Variants in HIF1AN observed in about 807,000 individuals in gnomAD.
HIF1AN encodes the protein hypoxia-inducible factor 1-alpha inhibitor.
Under a neutral mutation model 47.7 loss-of-function variants are expected in HIF1AN, and 21 were observed. The ratio of observed to expected loss-of-function variants is 0.44; its 90% CI spans 0.31 to 0.63. The LOEUF (loss-of-function observed/expected upper bound fraction) is 0.63. Ranked by LOEUF, HIF1AN falls within the 30% of genes least tolerant of loss-of-function variation. HIF1AN has a pLI of 0.07. For missense variants in HIF1AN, 320 were observed against 432.7 expected (o/e 0.74, Z 2.31); for synonymous variants, 152 against 155.9 (o/e 0.98, Z 0.18).
At position 100,550,011 on chromosome 10, in the gene HIF1AN, A is replaced by T. The variant is rs1167915629; in HGVS notation, c.*1874A>T. ...AGTCAATGCTGGGAAATGTGATTGC[A>T]GTGATCTCTATCTCTCCACTTCTTT... On this transcript the variant is annotated 3_prime_UTR_variant, in exon 8 of 8. Transcript: ENST00000299163. 6.6e-6 allele frequency: 1 copy of T among 152,194 alleles called. No homozygotes were observed. The highest frequency in any genetic ancestry group is 2.4e-5 in the African/African-American group (1 of 41,436). The allele number at this position is 152,194 out of a possible 1,614,324, so 9.4% of individuals were successfully genotyped here.
intron 3 of HIF1AN, among the ~76,000 whole-genome samples, chr10:100,542,867 T>TC (rs1843055748): frequency 7.3e-6 from 1 of 136,624 alleles, no homozygotes; most frequent in African/African-American, 2.7e-5. Flanking sequence ...TTTTTTTTTT[T>TC]TTCTTTTGAA....
Position 100,546,047 on chromosome 10 carries a change from C to T in HIF1AN, c.828C>T (p.Tyr276=). ...GTGATGTTCTTTACATCCCAATGTA[C>T]TGGTGAGAAGGGGGCTAGGGCTGGG... is the stretch of plus-strand genomic sequence containing the variant. ...GPGDVLYIPM[Y]WWHHIESLLN... is the part of the protein sequence containing the mutation. The change falls in exon 5 of 8, where the codon TAC becomes TAT. Residue 276 remains tyrosine (Y), a splice_region_variant and synonymous_variant. Transcript: ENST00000299163. 1 of 1,607,376 alleles carries T rather than the reference C, an allele frequency of 6.2e-7. No individual in the cohort carries two copies. Among genetic ancestry groups the T allele is most frequent in the Admixed American group, 1.7e-5 (1 of 59,958 alleles).
At chr10:100,538,818 CAAAA>C (rs537239935) in intron 2 of HIF1AN, among the ~76,000 whole-genome samples, 3 of 68,368 alleles carry the variant, frequency 4.4e-5, no homozygotes, top group African/African-American at 5.5e-5. Flanking sequence ...GACTCCGTCT[CAAAA>C]AAAAAAAAAA....
At chr10:100,547,608 G>A (rs942067221) in intron 7 of HIF1AN, among the ~76,000 whole-genome samples, 1 of 152,190 alleles carries the variant, frequency 6.6e-6, no homozygotes, top group Non-Finnish European at 1.5e-5. Context: ...CCATGCAGGT[G>A]TGCCAGTGGC....
At chr10:100,540,844 C>T (rs529483569) in intron 3 of HIF1AN, 62 bp downstream of exon 3, 1 of 1,407,282 alleles carries the variant, frequency 7.1e-7, no homozygotes, top group East Asian at 2.4e-5. Context: ...CTAATCCTGT[C>T]TTCACCGCTT....
intron 5 of HIF1AN, 40 bp from the exon 6 acceptor site, chr10:100,546,478 A>G (rs189004265): frequency 5.3e-6 from 8 of 1,504,446 alleles, no homozygotes; most frequent in Non-Finnish European, 7.3e-6. Context: ...CCCCGCCAAA[A>G]GTATCAGTAG....
At chr10:100,547,358 C>A in intron 7 of HIF1AN, 108 bp downstream of exon 7, 1 of 708,774 alleles carries the variant, frequency 1.4e-6, no homozygotes, top group South Asian at 1.6e-5. Flanking sequence ...TGTCCTCTCT[C>A]TCCATAGAGG....
intron 2 of HIF1AN, among the ~76,000 whole-genome samples, chr10:100,536,983 A>G (rs969106811): frequency 2.0e-5 from 3 of 152,166 alleles, no homozygotes; most frequent in Admixed American, 2.0e-4. Context: ...AAGGAGTAAT[A>G]TCGTCTGTGT....
In HIF1AN at chr10:100,546,069, TG is replaced by T. The variant is rs1349953491; in HGVS notation, c.830+25del. 1.4e-6 allele frequency: 2 copies of T among 1,448,614 alleles called. No homozygotes were observed. Among genetic ancestry groups the T allele is most frequent in the Non-Finnish European group, 1.9e-6 (2 of 1,034,506 alleles). 89.7% of individuals were successfully genotyped at this position (1,448,614 alleles called of 1,614,324 possible). On this transcript the variant is annotated intron_variant, in intron 5 of 7. Transcript: ENST00000299163. ...GTACTGGTGAGAAGGGGGCTAGGGC[TG>T]GGGGCTTTTTGGGAGCTTTCTTTTC...
chr10:100,550,638 C>G lies in HIF1AN; in HGVS notation c.*2501C>G, dbSNP rs371024588. 7.2e-5 allele frequency: 11 copies of G among 152,328 alleles called. 1 individual carries two copies. The East Asian group carries it at 1.5e-3, about 21-fold the overall frequency. The allele number at this position is 152,328 out of a possible 1,614,324, so 9.4% of individuals were successfully genotyped here. ...AGCTCAGGGTGAAAGTTCTTCTGGG[C>G]TCCTGCTAACAAAGTCTTGGAAAAA... is the stretch of plus-strand genomic sequence containing the variant. On this transcript the variant is annotated 3_prime_UTR_variant, in exon 8 of 8. Coordinates refer to ENST00000299163, the MANE Select transcript of HIF1AN (RefSeq NM_017902.3).
At chr10:100,541,575 A>G (rs1843033194) in intron 3 of HIF1AN, among the ~76,000 whole-genome samples, 1 of 151,586 alleles carries the variant, frequency 6.6e-6, no homozygotes, top group South Asian at 2.1e-4. Flanking sequence ...GTCTCGGCTC[A>G]CTGCAACCTC....
At position 100,558,891 on chromosome 10, in the gene HIF1AN, C is replaced by G. The variant is rs1843235475; in HGVS notation, c.*10754C>G. ...AGGTGTGTTTAAAAACATCAAACCC[C>G]CACATCATTACTATTTGCTGTAAGG... On this transcript the variant is annotated 3_prime_UTR_variant, in exon 8 of 8. Transcript: ENST00000299163. 6.6e-6 allele frequency: 1 copy of G among 152,164 alleles called. No homozygotes were observed. The highest frequency in any genetic ancestry group is 1.5e-5 in the Non-Finnish European group (1 of 68,038). The allele number at this position is 152,164 out of a possible 1,614,324, so 9.4% of individuals were successfully genotyped here.
At position 100,547,136 on chromosome 10, in the gene HIF1AN, G is replaced by T; in HGVS notation, c.895-4G>T. Reference sequence around the variant, plus strand: ...CATTTCCTGAGCTACTGCTTCCTTTGTAGGGGGCTCCCACCCCTAAGAGAA... The same window carrying T: ...CATTTCCTGAGCTACTGCTTCCTTTTTAGGGGGCTCCCACCCCTAAGAGAA... On this transcript the variant is annotated splice_region_variant and splice_polypyrimidine_tract_variant and intron_variant, in intron 6 of 7. Transcript: ENST00000299163. The T allele has an allele frequency of 1.2e-6, 2 of 1,607,828 alleles. No homozygotes were observed. Among genetic ancestry groups the T allele is most frequent in the Non-Finnish European group, 1.7e-6 (2 of 1,175,216 alleles).
chr10:100,558,610 A>G lies in HIF1AN; in HGVS notation c.*10473A>G, dbSNP rs1689325978. ...TGTGAGAAAGTGCAGTTAGGCCCTG[A>G]ATAGCGTCAAACTCAGGGATGTGAG... On this transcript the variant is annotated 3_prime_UTR_variant, in exon 8 of 8. Transcript: ENST00000299163. The G allele has an allele frequency of 6.6e-6, 1 of 152,210 alleles. No homozygotes were observed. Among genetic ancestry groups the G allele is most frequent in the South Asian group, 2.1e-4 (1 of 4,824 alleles). 9.4% of individuals were successfully genotyped at this position (152,210 alleles called of 1,614,324 possible).
chr10:100,555,185 G>A lies in HIF1AN; in HGVS notation c.*7048G>A, dbSNP rs1037561787. ...AAACACTGCTTCCCAATGCCTAAGGGTTTTGTCGTACCTTACTCCAGGGAA... is the reference window on the plus strand; with the variant it reads ...AAACACTGCTTCCCAATGCCTAAGGATTTTGTCGTACCTTACTCCAGGGAA... On this transcript the variant is annotated 3_prime_UTR_variant, in exon 8 of 8. Transcript: ENST00000299163. 1 of 152,218 alleles carries A rather than the reference G, an allele frequency of 6.6e-6. No homozygotes were observed. Among genetic ancestry groups the A allele is most frequent in the African/African-American group, 2.4e-5 (1 of 41,452 alleles). The allele number at this position is 152,218 out of a possible 1,614,324, so 9.4% of individuals were successfully genotyped here.
In HIF1AN at chr10:100,535,976, G is replaced by C; in HGVS notation, c.18G>C (p.Ala6=). 6.4e-7 allele frequency: 1 copy of C among 1,553,476 alleles called. No homozygotes were observed. The highest frequency in any genetic ancestry group is 8.7e-7 in the Non-Finnish European group (1 of 1,150,000). ...CGGCGGAGATGGCGGCGACAGCGGC[G>C]GAGGCTGTGGCCTCTGGCTCTGGAG... MAATA[A]EAVASGSGEP... Residue 6 remains alanine, a synonymous_variant, in exon 1 of 8, where the codon GCG becomes GCC. Transcript: ENST00000299163.
At chr10:100,541,293 A>G (rs1386768762) in intron 3 of HIF1AN, among the ~76,000 whole-genome samples, 4 of 152,238 alleles carry the variant, frequency 2.6e-5, no homozygotes, top group African/African-American at 4.8e-5. Context: ...TGGGAGGCCA[A>G]GGCAGGAGGA....
chr10:100,538,014 T>A (rs567100418), intron 2 of HIF1AN, among the ~76,000 whole-genome samples: 1 of 152,252 alleles, frequency 6.6e-6, no homozygotes, highest in South Asian at 2.1e-4. Context: ...CACCCAACAT[T>A]GAGAGAAAGA....
chr10:100,546,122 C>T (rs1287404673), intron 5 of HIF1AN, 73 bp downstream of exon 5: 13 of 1,048,752 alleles, frequency 1.2e-5, no homozygotes, highest in Admixed American at 3.7e-5. Context: ...TTGTCTGTGT[C>T]GCTTCTGAGT....
Sources: allele counts gnomAD v4.1 joint callset (sites outside exome capture counted in the v4.1 genomes callset), GRCh38; gene constraint gnomAD v4.1.1; transcripts MANE v1.5; gene names NCBI Gene and HGNC (gene_info 2026-07-23, HGNC 2026-07-21).